The following CREB3L1 variants were observed in gnomAD, a reference collection of about 807,000 sequenced individuals.
The protein encoded by CREB3L1 is cyclic AMP-responsive element-binding protein 3-like protein 1.
Under a neutral mutation model 54.5 loss-of-function variants are expected in CREB3L1, and 33 were observed. That is an observed-to-expected ratio of 0.61 (90% CI 0.46 to 0.81). CREB3L1 has a LOEUF of 0.81. CREB3L1 is among the 30% of genes least tolerant of loss of function. The probability of loss-of-function intolerance (pLI) is 0.00; values close to 1 mark genes in which losing one functional copy is unlikely to be tolerated. For synonymous variants in CREB3L1, 284 were observed against 286.4 expected, an observed-to-expected ratio of 0.99 and a Z score of 0.08; for missense variants, 656 against 673.3, an observed-to-expected ratio of 0.97 and a Z score of 0.29.
At chr11:46,314,708 T>C (rs1343263675) in intron 8 of CREB3L1, among the ~76,000 whole-genome samples, 3 of 150,148 alleles carry the variant, frequency 2.0e-5, no homozygotes, top group Admixed American at 2.0e-4. Flanking sequence ...TATTTTTATT[T>C]ACTTTTTTTT....
At chr11:46,291,040 T>C (rs1268082014) in intron 1 of CREB3L1, among the ~76,000 whole-genome samples, 2 of 151,990 alleles carry the variant, frequency 1.3e-5, no homozygotes, top group African/African-American at 4.8e-5. Flanking sequence ...CCTGGGGCAA[T>C]GGAGGAAATG....
At chr11:46,311,761 G>A (rs575093804) in intron 5 of CREB3L1, among the ~76,000 whole-genome samples, 8 of 152,338 alleles carry the variant, frequency 5.3e-5, no homozygotes, top group African/African-American at 1.9e-4. Flanking sequence ...CTCCCAAAGG[G>A]CTGGGATTAC....
At chr11:46,297,431 G>A (rs1436455574) in intron 1 of CREB3L1, among the ~76,000 whole-genome samples, 2 of 144,256 alleles carry the variant, frequency 1.4e-5, no homozygotes, top group African/African-American at 5.1e-5. Flanking sequence ...GGCAGCAGGT[G>A]AACAGGGTGC....
At position 46,320,354 on chromosome 11, in the gene CREB3L1, G is replaced by A. The variant is rs1223146346; in HGVS notation, c.1349G>A (p.Gly450Asp). The change falls in exon 11 of 12, where the codon GGC (glycine) becomes GAC (aspartate). Residue 450 changes from glycine to aspartate, a missense_variant. Around this residue, in one of 3 missense-constraint regions of CREB3L1, gnomAD observed 240 missense variants for 219.8 expected, o/e 1.09. Transcript: ENST00000621158. ...STLLPMEPPD[G>D]WEINPGGPAE... ...CTGCTGCCCATGGAGCCCCCAGATG[G>A]CTGGGAAATCAACCCCGGGGGGCCG... 6.2e-7 allele frequency: 1 copy of A among 1,612,010 alleles called. No individual in the cohort carries two copies. The highest frequency in any genetic ancestry group is 8.5e-7 in the Non-Finnish European group (1 of 1,179,082).
At chr11:46,306,863 C>T (rs1265789391) in intron 2 of CREB3L1, among the ~76,000 whole-genome samples, 11 of 151,544 alleles carry the variant, frequency 7.3e-5, no homozygotes, top group Admixed American at 3.3e-4. Context: ...CCTCCTCCTC[C>T]CAAGCAATTC....
Position 46,277,945 on chromosome 11 carries a change from C to G in CREB3L1, c.-167C>G, listed in dbSNP as rs1439796213. 7.4e-6 allele frequency: 3 copies of G among 405,064 alleles called. No individual in the cohort carries two copies. Among genetic ancestry groups the G allele is most frequent in the Non-Finnish European group, 1.3e-5 (3 of 232,330 alleles). 25.1% of individuals were successfully genotyped at this position (405,064 alleles called of 1,614,324 possible). A position where few individuals can be genotyped will look rare whatever the true frequency, so the allele number is the denominator to read the frequency against. ...CCCTAAGGCCCCCGCGCGCCCCGCG[C>G]CCCCCACCCGGGGCCGCGCCGCCTC... On this transcript the variant is annotated 5_prime_UTR_variant, in exon 1 of 12. Transcript: ENST00000621158.
At chr11:46,302,925 G>A (rs1289540795) in intron 2 of CREB3L1, among the ~76,000 whole-genome samples, 2 of 152,130 alleles carry the variant, frequency 1.3e-5, no homozygotes, top group Non-Finnish European at 2.9e-5. Flanking sequence ...AGGTTGCAGG[G>A]AGCTGAGATT....
At chr11:46,283,013 C>A (rs1430819128) in intron 1 of CREB3L1, among the ~76,000 whole-genome samples, 3 of 151,862 alleles carry the variant, frequency 2.0e-5, no homozygotes, top group African/African-American at 7.2e-5. Flanking sequence ...CATAGGGAGA[C>A]CTCGTCTCTA....
chr11:46,284,723 A>G (rs984365083), intron 1 of CREB3L1, among the ~76,000 whole-genome samples: 1 of 151,844 alleles, frequency 6.6e-6, no homozygotes, highest in Non-Finnish European at 1.5e-5. Flanking sequence ...ACGTATAGGC[A>G]TTATTATCCA....
chr11:46,285,275 C>A (rs56372998), intron 1 of CREB3L1, among the ~76,000 whole-genome samples: 23,446 of 152,244 alleles, frequency 0.15, 2,249 homozygotes, highest in Middle Eastern at 0.28. Flanking sequence ...TGCTGGAGAA[C>A]AGGCTGTTTC....
intron 8 of CREB3L1, chr11:46,315,212 G>C: frequency 3.3e-6 from 1 of 303,496 alleles, no homozygotes; most frequent in South Asian, 3.5e-5. Context: ...TCCCTGATTG[G>C]CCTGGAGAAT....
chr11:46,290,850 G>A (rs1044198355), intron 1 of CREB3L1, among the ~76,000 whole-genome samples: 4 of 152,088 alleles, frequency 2.6e-5, no homozygotes, highest in African/African-American at 7.2e-5. Context: ...GAGACATCTG[G>A]ATGCACTGGA....
Position 46,310,945 on chromosome 11 carries a change from G to A in CREB3L1, c.596-87G>A, listed in dbSNP as rs2303434. On this transcript the variant is annotated intron_variant, in intron 4 of 11. Coordinates refer to ENST00000621158, the MANE Select transcript of CREB3L1 (RefSeq NM_052854.4). ...TCCGTGTCCCACAATGTCAGGGCTG[G>A]TGCAAGCTCATGCTCAGCTGAACTC... 3.4e-4 allele frequency: 500 copies of A among 1,470,798 alleles called. 3 individuals carry two copies. The South Asian group carries it at 5.7e-3, about 17-fold the overall frequency. 91.1% of individuals were successfully genotyped at this position (1,470,798 alleles called of 1,614,324 possible).
intron 4 of CREB3L1, among the ~76,000 whole-genome samples, chr11:46,310,290 T>C (rs1441042225): frequency 6.7e-6 from 1 of 149,994 alleles, no homozygotes; most frequent in Non-Finnish European, 1.5e-5. Flanking sequence ...TTTTTTGAGA[T>C]GGAGTCTCAC....
chr11:46,305,700 G>GTATATA (rs201431893), intron 2 of CREB3L1, among the ~76,000 whole-genome samples: 5,383 of 87,154 alleles, frequency 0.062, 234 homozygotes, highest in African/African-American at 0.16. Context: ...ATGTGTGTGT[G>GTATATA]TGTGTGTGTG....
At chr11:46,304,459 G>A (rs920272241) in intron 2 of CREB3L1, among the ~76,000 whole-genome samples, 1 of 152,016 alleles carries the variant, frequency 6.6e-6, no homozygotes, top group Non-Finnish European at 1.5e-5. Flanking sequence ...CAACAAGAGC[G>A]AAATTCCATC....
At chr11:46,281,774 T>C (rs994810285) in intron 1 of CREB3L1, among the ~76,000 whole-genome samples, 1 of 152,212 alleles carries the variant, frequency 6.6e-6, no homozygotes, top group African/African-American at 2.4e-5. Context: ...GGTGTTCCTA[T>C]GTCTGTGGGT....
chr11:46,294,364 C>T (rs1409281226), intron 1 of CREB3L1, among the ~76,000 whole-genome samples: 1 of 152,102 alleles, frequency 6.6e-6, no homozygotes, highest in African/African-American at 2.4e-5. Context: ...GGTTTCACAC[C>T]ATCCAGTCCC....
chr11:46,284,766 G>C (rs776716218), intron 1 of CREB3L1, among the ~76,000 whole-genome samples: 7 of 152,162 alleles, frequency 4.6e-5, no homozygotes, highest in Non-Finnish European at 1.0e-4. Flanking sequence ...GGAGTCCTAT[G>C]GAGAGTCAAA....
Sources: gnomAD v4.1 joint callset for allele counts (sites outside exome capture counted in the v4.1 genomes callset) on GRCh38, gnomAD v4.1.1 for gene constraint, gnomAD v4.1.1 regional missense constraint, MANE v1.5 for transcripts, NCBI Gene and HGNC (gene_info 2026-07-23, HGNC 2026-07-21) for gene names.